DIDO1: variants seen among roughly 807,000 people sequenced by gnomAD.
DIDO1 encodes the protein death inducer-obliterator 1.
In DIDO1, 16 loss-of-function variants were observed where a neutral mutation model predicts 99.4. The observed-to-expected ratio is 0.16, with a 90% confidence interval of 0.11 to 0.24. The LOEUF is 0.24. Among genes scored for constraint, DIDO1 ranks in the 10% least tolerant of loss-of-function variants. The pLI is 1.00. For missense variants in DIDO1, 2,996 were observed against 3,014.0 expected (o/e 0.99, Z 0.14); for synonymous variants, 1,366 against 1,239.1 (o/e 1.10, Z -2.15).
At position 62,910,815 on chromosome 20, in the gene DIDO1, G is replaced by A. The variant is rs773664250; in HGVS notation, c.798C>T (p.Pro266=). 6.2e-7 allele frequency: 1 copy of A among 1,614,210 alleles called. No homozygotes were observed. The highest frequency in any genetic ancestry group is 8.5e-7 in the Non-Finnish European group (1 of 1,180,036). ...RPKPECEGYD[P]NALYCICRQP... ...GGCGGCAAATGCAATACAGGGCGTT[G>A]GGGTCGTAACCCTCACATTCAGGCT... is the stretch of plus-strand genomic sequence containing the variant. The change falls in exon 3 of 16, where the codon CCC becomes CCT. Residue 266 remains proline (P), a synonymous_variant. Transcript: ENST00000395343.
intron 4 of DIDO1, among the ~76,000 whole-genome samples, chr20:62,909,204 G>C (rs1228494947): frequency 1.3e-5 from 2 of 152,256 alleles, no homozygotes; most frequent in East Asian, 3.9e-4. Flanking sequence ...CCTGCCCTGT[G>C]GGGACTGGAA....
chr20:62,924,879 A>C (rs1021626664), intron 1 of DIDO1, among the ~76,000 whole-genome samples: 4 of 152,216 alleles, frequency 2.6e-5, no homozygotes, highest in Non-Finnish European at 4.4e-5. Context: ...TCTGGTGGAA[A>C]GCCTGAAAAA....
chr20:62,937,268 G>C (rs1208234706), intron 1 of DIDO1, among the ~76,000 whole-genome samples: 1 of 152,246 alleles, frequency 6.6e-6, no homozygotes, highest in Non-Finnish European at 1.5e-5. Context: ...CGGAAACATG[G>C]GACCCTGCAA....
At chr20:62,902,301 C>T (rs991209804) in intron 6 of DIDO1, among the ~76,000 whole-genome samples, 12 of 152,148 alleles carry the variant, frequency 7.9e-5, no homozygotes, top group Non-Finnish European at 1.6e-4. Flanking sequence ...TTACTGACAG[C>T]CAAGAAACTT....
At chr20:62,937,408 G>GCGC (rs1223627032) in intron 1 of DIDO1, among the ~76,000 whole-genome samples, 1 of 152,056 alleles carries the variant, frequency 6.6e-6, no homozygotes, top group Admixed American at 6.5e-5. Flanking sequence ...GCCCTGCCCC[G>GCGC]CGCCGCCGCC....
At chr20:62,889,324 G>C in intron 15 of DIDO1, 2 of 985,234 alleles carry the variant, frequency 2.0e-6, no homozygotes, top group Non-Finnish European at 2.4e-6. Flanking sequence ...CCCAGTGTGG[G>C]GAACCCGGTG....
chr20:62,893,037 T>A, intron 12 of DIDO1, 75 bp from the exon 13 acceptor site: 1 of 1,494,494 alleles, frequency 6.7e-7, no homozygotes, highest in South Asian at 1.3e-5. Context: ...AAAGCCTTTT[T>A]TTTTTTTGAG....
In DIDO1 at chr20:62,897,362, CATT is replaced by C. The variant is rs534331156; in HGVS notation, c.1589-369_1589-367del. On this transcript the variant is annotated intron_variant, in intron 6 of 15. Coordinates refer to ENST00000395343, the MANE Select transcript of DIDO1 (RefSeq NM_001193369.2). Reference sequence around the variant, plus strand: ...AAAGGCAGATTTACAGCAGCACTATCATTATGAATTCAAGTGCAAACTGTTTGT... The same window carrying C: ...AAAGGCAGATTTACAGCAGCACTATCATGAATTCAAGTGCAAACTGTTTGT... Among the ~76,000 whole-genome samples, 71 of 152,342 alleles carry C rather than the reference CATT, an allele frequency of 4.7e-4. No homozygotes were observed. In the South Asian group the frequency reaches 7.7e-3, roughly 16 times the overall value.
In DIDO1 at chr20:62,880,828, C is replaced by G. The variant is rs2064188281; in HGVS notation, c.5128G>C (p.Gly1710Arg). ...TCACCTGCAGGGCTGCTGCTCCTTC[C>G]AGCAGAATGAAGATTTCTTGGGTCC... ...YEDPRNLHSAGRSSSPAGETE... is the reference protein window; with the variant it reads ...YEDPRNLHSARRSSSPAGETE... Residue 1710 changes from glycine to arginine, a missense_variant, in exon 16 of 16, where the codon GGA becomes CGA. Coordinates refer to ENST00000395343, the MANE Select transcript of DIDO1 (RefSeq NM_001193369.2). 6.2e-7 allele frequency: 1 copy of G among 1,612,872 alleles called. No individual in the cohort carries two copies. The highest frequency in any genetic ancestry group is 8.5e-7 in the Non-Finnish European group (1 of 1,179,994).
In DIDO1 at chr20:62,893,790, C is replaced by T. The variant is rs775154931; in HGVS notation, c.2977G>A (p.Glu993Lys). The T allele has an allele frequency of 6.2e-7, 1 of 1,614,184 alleles. No individual in the cohort carries two copies. Among genetic ancestry groups the T allele is most frequent in the Non-Finnish European group, 8.5e-7 (1 of 1,180,052 alleles). The change falls in exon 12 of 16, where the codon GAA becomes AAA. Residue 993 changes from glutamate (E) to lysine (K), a missense_variant. This residue lies in a region of DIDO1 where 898 missense variants were observed against 972.7 expected (regional missense o/e 0.92). Coordinates refer to ENST00000395343, the MANE Select transcript of DIDO1 (RefSeq NM_001193369.2). ...ASRPDSTHMV[E>K]ARQDVPKPVL... ...GGCTTCGGCACATCCTGTCTGGCTT[C>T]CACCATGTGGGTGCTGTCTGGGCGG...
At chr20:62,898,055 C>T (rs530245020) in intron 6 of DIDO1, among the ~76,000 whole-genome samples, 74 of 152,312 alleles carry the variant, frequency 4.9e-4, no homozygotes, top group African/African-American at 1.7e-3. Flanking sequence ...AGCAGCAAGC[C>T]TCCAAAACTC....
Position 62,879,639 on chromosome 20 carries a change from T to C in DIDO1, c.6317A>G (p.Gln2106Arg), listed in dbSNP as rs773333280. The change falls in exon 16 of 16, where the codon CAG becomes CGG. Residue 2106 changes from glutamine (Q) to arginine (R), a missense_variant. Coordinates refer to ENST00000395343, the MANE Select transcript of DIDO1 (RefSeq NM_001193369.2). This position sits in a 1 kb window ranked among gnomAD's most constrained non-coding sequence, Gnocchi z 6.3. ...CCTCCTGTCCTCGGACGCCCGGCCC[T>C]GGGCGTCGGGCTCCTCCAGCGGCTT... ...KEKPLEEPDAQGRASEDRRRE... is the reference protein window; with the variant it reads ...KEKPLEEPDARGRASEDRRRE... The C allele has an allele frequency of 1.2e-6, 2 of 1,606,652 alleles. No individual in the cohort carries two copies. Among genetic ancestry groups the C allele is most frequent in the Non-Finnish European group, 1.7e-6 (2 of 1,179,748 alleles).
In DIDO1 at chr20:62,890,872, G is replaced by A. The variant is rs996900650; in HGVS notation, c.3541+88C>T. On this transcript the variant is annotated intron_variant, in intron 15 of 15. Coordinates refer to ENST00000395343, the MANE Select transcript of DIDO1 (RefSeq NM_001193369.2). ...AACTCCTGCTCCCAGAGAGCCCTGG[G>A]CTGGTCAGGACTCAGCAGGGCATGT... 6.2e-6 allele frequency: 10 copies of A among 1,609,226 alleles called. No individual in the cohort carries two copies. The African/African-American group carries it at 1.3e-4, about 22-fold the overall frequency.
Position 62,881,687 on chromosome 20 carries a change from C to T in DIDO1, c.4269G>A (p.Glu1423=). The T allele has an allele frequency of 1.9e-6, 3 of 1,612,902 alleles. No individual in the cohort carries two copies. Among genetic ancestry groups the T allele is most frequent in the South Asian group, 2.2e-5 (2 of 91,076 alleles). The change falls in exon 16 of 16, where the codon GAG becomes GAA. Residue 1423 remains glutamate, a synonymous_variant. Transcript: ENST00000395343. This position sits in a 1 kb window ranked among gnomAD's most constrained non-coding sequence, Gnocchi z 8.3. ...APEAAAAERE[E]VAYDPEDETI... The stretch of plus-strand genomic sequence containing the variant: ...TCTCATCCTCGGGGTCATAGGCCAC[C>T]TCTTCCCGCTCGGCTGCAGCTGCTT...
At chr20:62,902,593 T>C (rs1209736018) in intron 6 of DIDO1, among the ~76,000 whole-genome samples, 1 of 152,214 alleles carries the variant, frequency 6.6e-6, no homozygotes, top group East Asian at 1.9e-4. Context: ...AAACTGAGAC[T>C]GGGTCCTCTT....
At chr20:62,901,530 T>A (rs536616426) in intron 6 of DIDO1, among the ~76,000 whole-genome samples, 1 of 145,528 alleles carries the variant, frequency 6.9e-6, no homozygotes, top group South Asian at 2.2e-4. Context: ...TAAACCAACA[T>A]GTTAGGGGCA....
intron 1 of DIDO1, among the ~76,000 whole-genome samples, chr20:62,924,198 G>C (rs537324724): frequency 2.4e-4 from 36 of 152,166 alleles, no homozygotes; most frequent in Non-Finnish European, 4.0e-4. Context: ...TCCACTGTAA[G>C]GGACCCCGTC....
chr20:62,909,402 G>A (rs889302201), intron 4 of DIDO1, among the ~76,000 whole-genome samples: 9 of 152,226 alleles, frequency 5.9e-5, no homozygotes, highest in South Asian at 2.1e-4. Context: ...CAGGAGCACC[G>A]CCACTCCCAT....
chr20:62,922,204 A>G (rs867400144), intron 1 of DIDO1, among the ~76,000 whole-genome samples: 1 of 134,246 alleles, frequency 7.4e-6, no homozygotes, highest in South Asian at 2.4e-4. Flanking sequence ...GTGTATATAT[A>G]TATGTACATA....
Sources: allele counts gnomAD v4.1 joint callset (sites outside exome capture counted in the v4.1 genomes callset), GRCh38; gene constraint gnomAD v4.1.1; regional missense constraint gnomAD v4.1.1; non-coding constraint Gnocchi (gnomAD v3.1); transcripts MANE v1.5; gene names NCBI Gene and HGNC (gene_info 2026-07-23, HGNC 2026-07-21).